AFG1L: variants seen among roughly 807,000 people sequenced by gnomAD.
AFG1L encodes the protein AFG1 like ATPase.
Under a neutral mutation model 62.2 loss-of-function variants are expected in AFG1L, and 53 were observed. The observed-to-expected ratio is 0.85, with a 90% confidence interval of 0.68 to 1.07. AFG1L has a LOEUF of 1.07. AFG1L is among the 50% of genes least tolerant of loss of function. The pLI, the probability that AFG1L is intolerant of heterozygous loss-of-function variation, is 0.00. For synonymous variants in AFG1L, 228 were observed against 210.3 expected (o/e 1.08, Z -0.73); for missense variants, 555 against 590.5 (o/e 0.94, Z 0.62).
chr6:108,511,078 G>T (rs1415380688), intron 11 of AFG1L, among the ~76,000 whole-genome samples: 1 of 146,112 alleles, frequency 6.8e-6, no homozygotes, highest in African/African-American at 2.6e-5. Context: ...ACAGAGTGAG[G>T]CCCTATCTCT....
At chr6:108,493,528 A>T (rs993475955) in intron 10 of AFG1L, among the ~76,000 whole-genome samples, 1 of 152,180 alleles carries the variant, frequency 6.6e-6, no homozygotes, top group South Asian at 2.1e-4. Flanking sequence ...TCTGAGCTAC[A>T]CTAGCTCATT....
chr6:108,498,127 C>G (rs889626623), intron 10 of AFG1L, among the ~76,000 whole-genome samples: 10 of 152,108 alleles, frequency 6.6e-5, no homozygotes, highest in African/African-American at 2.4e-4. Context: ...CGAGGTATTG[C>G]AAAAGAGTGA....
At chr6:108,467,364 G>T (rs1445777268) in intron 8 of AFG1L, among the ~76,000 whole-genome samples, 4 of 151,474 alleles carry the variant, frequency 2.6e-5, no homozygotes, top group Non-Finnish European at 5.9e-5. Context: ...TTCTGCCTCA[G>T]CCTGCCAAGT....
At chr6:108,363,533 G>C (rs1225968922) in intron 5 of AFG1L, among the ~76,000 whole-genome samples, 1 of 151,956 alleles carries the variant, frequency 6.6e-6, no homozygotes, top group Non-Finnish European at 1.5e-5. Context: ...CTTATCTTCA[G>C]AGTTTTCCTT....
chr6:108,424,646 TAGAG>T (rs1192371144), intron 7 of AFG1L, among the ~76,000 whole-genome samples: 29 of 152,064 alleles, frequency 1.9e-4, no homozygotes, highest in Admixed American at 6.6e-5. Context: ...ATATATATAA[TAGAG>T]AATGAGTTAG....
chr6:108,297,502 TG>T (rs550387997), intron 1 of AFG1L, among the ~76,000 whole-genome samples: 12 of 152,184 alleles, frequency 7.9e-5, no homozygotes, highest in Admixed American at 2.0e-4. Flanking sequence ...CCTGTTTTTT[TG>T]GGGGGGTACA....
intron 3 of AFG1L, among the ~76,000 whole-genome samples, chr6:108,352,795 G>A (rs960049367): frequency 6.6e-6 from 1 of 151,988 alleles, no homozygotes; most frequent in Non-Finnish European, 1.5e-5. Flanking sequence ...CGAACACCTG[G>A]ACTCAAGTAA....
At chr6:108,510,970 G>A (rs1774622004) in intron 11 of AFG1L, among the ~76,000 whole-genome samples, 1 of 151,900 alleles carries the variant, frequency 6.6e-6, no homozygotes, top group African/African-American at 2.4e-5. Context: ...CTGCCTACTT[G>A]GGAGGCTAAG....
rs57304886 is a variant in AFG1L at position 108,399,178 on chromosome 6, G to GTTT, written c.749-2792_749-2790dup. Among the ~76,000 whole-genome samples, 7 of 62,228 alleles carry GTTT rather than the reference G, an allele frequency of 1.1e-4. 2 individuals carry two copies. Among genetic ancestry groups the GTTT allele is most frequent in the African/African-American group, 3.4e-4 (5 of 14,922 alleles). 40.8% of individuals were successfully genotyped at this position (62,228 alleles called of 152,430 possible). ...CAAAGATCTGTCACTTCTTTTGTTT[G>GTTT]TTTTTTTTTTTTTTTTTTTTTTTTT... On this transcript the variant is annotated intron_variant, in intron 6 of 12. Coordinates refer to ENST00000368977, the MANE Select transcript of AFG1L (RefSeq NM_145315.5).
At chr6:108,512,477 A>G (rs1041726320) in intron 11 of AFG1L, among the ~76,000 whole-genome samples, 2 of 152,086 alleles carry the variant, frequency 1.3e-5, no homozygotes, top group African/African-American at 2.4e-5. Flanking sequence ...ACTCGACTCT[A>G]CAGTAATGGT....
intron 2 of AFG1L, among the ~76,000 whole-genome samples, chr6:108,332,145 A>G (rs1210094600): frequency 6.6e-6 from 1 of 152,214 alleles, no homozygotes; most frequent in East Asian, 1.9e-4. Flanking sequence ...ATTTACAAAA[A>G]CAAGTGTCAT....
At chr6:108,366,186 A>T in intron 5 of AFG1L, 47 bp from the exon 6 acceptor site, 1 of 1,193,048 alleles carries the variant, frequency 8.4e-7, no homozygotes, top group Non-Finnish European at 1.2e-6. Flanking sequence ...CAAATTTGTT[A>T]CAGCAGAAGT....
At chr6:108,384,803 A>T (rs1780694931) in intron 6 of AFG1L, among the ~76,000 whole-genome samples, 1 of 152,096 alleles carries the variant, frequency 6.6e-6, no homozygotes, top group Non-Finnish European at 1.5e-5. Context: ...TATCTTATAT[A>T]AAAATTCACT....
intron 10 of AFG1L, among the ~76,000 whole-genome samples, chr6:108,495,938 C>A (rs1302720988): frequency 6.6e-6 from 1 of 152,174 alleles, no homozygotes; most frequent in Non-Finnish European, 1.5e-5. Context: ...AGAATGTCAT[C>A]ATTATCTATC....
intron 6 of AFG1L, among the ~76,000 whole-genome samples, chr6:108,376,259 C>A (rs1286226337): frequency 1.3e-5 from 2 of 151,988 alleles, no homozygotes; most frequent in African/African-American, 4.8e-5. Context: ...TTTCAAAGAA[C>A]CAACTTTTGG....
chr6:108,324,065 A>T lies in AFG1L; in HGVS notation c.363+17A>T, dbSNP rs765754854. ...TTTTCAAAGGTGAGGCTTGTGTGAT[A>T]TGAAAGATTAAACAGTTAAAAGTGT... On this transcript the variant is annotated intron_variant, in intron 2 of 12. Transcript: ENST00000368977. The T allele has an allele frequency of 1.3e-6, 2 of 1,553,848 alleles. No individual in the cohort carries two copies. Among genetic ancestry groups the T allele is most frequent in the African/African-American group, 1.4e-5 (1 of 73,406 alleles).
chr6:108,515,705 T>G (rs1774852641), intron 11 of AFG1L, among the ~76,000 whole-genome samples: 1 of 151,976 alleles, frequency 6.6e-6, no homozygotes, highest in East Asian at 1.9e-4. Context: ...AATCAATGAA[T>G]CCAGGAGCTG....
At chr6:108,358,021 A>G (rs1048721392) in intron 5 of AFG1L, among the ~76,000 whole-genome samples, 3 of 152,190 alleles carry the variant, frequency 2.0e-5, no homozygotes, top group Non-Finnish European at 4.4e-5. Context: ...TGTATTTGGA[A>G]CTGCAAAGGT....
At chr6:108,463,325 G>T (rs921823577) in intron 8 of AFG1L, among the ~76,000 whole-genome samples, 9 of 148,536 alleles carry the variant, frequency 6.1e-5, no homozygotes, top group African/African-American at 2.2e-4. Flanking sequence ...CCTGGCCTCT[G>T]GCCTCTCTTT....
Sources: allele counts gnomAD v4.1 joint callset (sites outside exome capture counted in the v4.1 genomes callset), GRCh38; gene constraint gnomAD v4.1.1; transcripts MANE v1.5; gene names NCBI Gene and HGNC (gene_info 2026-07-23, HGNC 2026-07-21).